The following SDK2 variants were observed in gnomAD, a reference collection of about 807,000 sequenced individuals.
The protein encoded by SDK2 is protein sidekick-2.
In SDK2, 105 loss-of-function variants were observed where a neutral mutation model predicts 253.9. The observed-to-expected ratio is 0.41, with a 90% CI of 0.35 to 0.49. The LOEUF (loss-of-function observed/expected upper bound fraction) is 0.49, where lower values mean the gene tolerates loss of function less well. SDK2 is among the 20% of genes least tolerant of loss of function. The pLI is 0.06. For missense variants in SDK2, 2,608 were observed against 3,003.0 expected (o/e 0.87, Z 3.07); for synonymous variants, 1,249 against 1,234.9 (o/e 1.01, Z -0.24).
At chr17:73,413,753 G>T (rs2063157572) in intron 18 of SDK2, among the ~76,000 whole-genome samples, 1 of 152,194 alleles carries the variant, frequency 6.6e-6, no homozygotes, top group South Asian at 2.1e-4. Flanking sequence ...TTATTCAGCG[G>T]TGCGAGCAGT....
At chr17:73,587,633 C>T (rs1206260745) in intron 1 of SDK2, among the ~76,000 whole-genome samples, 4 of 152,294 alleles carry the variant, frequency 2.6e-5, no homozygotes, top group Middle Eastern at 3.4e-3. Context: ...CATTCAGAGC[C>T]GAGCTCCGCA....
In SDK2 at chr17:73,534,697, G is replaced by A. The variant is rs1252179282; in HGVS notation, c.65-27100C>T. Among the ~76,000 whole-genome samples, 1 of 152,168 alleles carries A rather than the reference G, an allele frequency of 6.6e-6. No individual in the cohort carries two copies. Among genetic ancestry groups the A allele is most frequent in the Non-Finnish European group, 1.5e-5 (1 of 68,040 alleles). The stretch of plus-strand genomic sequence containing the variant: ...CATCCTAGAGGTCTCTGCAGCCTGG[G>A]ATTGAAACCATCCATTTGCCTGACA... On this transcript the variant is annotated intron_variant, in intron 1 of 44. Transcript: ENST00000392650. The surrounding 1 kb of genome is among the most constrained non-coding windows in gnomAD (Gnocchi z 4.9).
At position 73,419,729 on chromosome 17, in the gene SDK2, C is replaced by A. The variant is rs1277830261; in HGVS notation, c.2046-423G>T. On this transcript the variant is annotated intron_variant, in intron 15 of 44. Coordinates refer to ENST00000392650, the MANE Select transcript of SDK2 (RefSeq NM_001144952.2). ...TACCAAAAAAAACAACAAAAAAAAC[C>A]CAAAAAAACTCCCTCCTGGTGACTT... is the stretch of plus-strand genomic sequence containing the variant. Among the ~76,000 whole-genome samples the A allele has an allele frequency of 7.2e-3, 121 of 16,868 alleles. 20 individuals are homozygous for A. The highest frequency in any genetic ancestry group is 0.022 in the Middle Eastern group (1 of 46). The allele number at this position is 16,868 out of a possible 152,430, so 11.1% of individuals were successfully genotyped here.
intron 5 of SDK2, among the ~76,000 whole-genome samples, chr17:73,445,595 C>T (rs985591110): frequency 2.6e-5 from 4 of 151,902 alleles, no homozygotes; most frequent in Admixed American, 6.6e-5. Flanking sequence ...ATGGAGGAAG[C>T]GGTGCGGAGG....
At chr17:73,408,090 C>T (rs8068263) in intron 18 of SDK2, among the ~76,000 whole-genome samples, 135,533 of 142,452 alleles carry the variant, frequency 0.95, 64,611 homozygotes, top group Non-Finnish European at 0.99. Flanking sequence ...CTGGCTCTGT[C>T]GCCTAGACTG....
At chr17:73,567,502 T>C (rs946353496) in intron 1 of SDK2, among the ~76,000 whole-genome samples, 2 of 152,212 alleles carry the variant, frequency 1.3e-5, no homozygotes, top group African/African-American at 4.8e-5. Context: ...GGTGAAGCTG[T>C]GGAAATGGGG....
chr17:73,520,319 C>T (rs1439594347), intron 1 of SDK2: 1 of 152,352 alleles, frequency 6.6e-6, no homozygotes, highest in African/African-American at 2.4e-5. Flanking sequence ...AGAGAACCCA[C>T]GAGGTCTGGT....
chr17:73,432,960 G>C (rs1052500011), intron 10 of SDK2, among the ~76,000 whole-genome samples: 2 of 152,162 alleles, frequency 1.3e-5, no homozygotes, highest in Admixed American at 6.5e-5. Flanking sequence ...TGGCCTTAGG[G>C]AGGTGGCTTG....
intron 9 of SDK2, among the ~76,000 whole-genome samples, chr17:73,434,532 C>A (rs1335884676): frequency 6.6e-6 from 1 of 152,242 alleles, no homozygotes; most frequent in East Asian, 1.9e-4. Context: ...GTGATGAACA[C>A]CGTGGAGCTC....
At chr17:73,577,275 C>CA (rs1421247083) in intron 1 of SDK2, among the ~76,000 whole-genome samples, 2 of 152,098 alleles carry the variant, frequency 1.3e-5, no homozygotes, top group Non-Finnish European at 2.9e-5. Flanking sequence ...GGAATTTATC[C>CA]AAAAAAACTC....
intron 1 of SDK2, among the ~76,000 whole-genome samples, chr17:73,637,342 ATG>A (rs2143292553): frequency 6.6e-6 from 1 of 152,290 alleles, no homozygotes; most frequent in Non-Finnish European, 1.5e-5. Flanking sequence ...ATCCACTCTA[ATG>A]AATGGGCTAC....
intron 1 of SDK2, among the ~76,000 whole-genome samples, chr17:73,532,472 C>A (rs1262107736): frequency 1.3e-5 from 2 of 152,152 alleles, no homozygotes; most frequent in Non-Finnish European, 2.9e-5. Flanking sequence ...CCTCCCAGGC[C>A]CCAGAGTCAG....
At chr17:73,340,658 C>T (rs2062426585) in intron 44 of SDK2, among the ~76,000 whole-genome samples, 1 of 146,508 alleles carries the variant, frequency 6.8e-6, no homozygotes. Context: ...AACATAAAAA[C>T]AACACTTGGT....
chr17:73,372,131 C>T (rs2062738934), intron 36 of SDK2, among the ~76,000 whole-genome samples: 1 of 152,170 alleles, frequency 6.6e-6, no homozygotes, highest in East Asian at 1.9e-4. Flanking sequence ...AACCCAGGGA[C>T]AGCTGTCTTC....
chr17:73,469,562 C>T (rs551293434), intron 3 of SDK2, among the ~76,000 whole-genome samples: 10 of 152,186 alleles, frequency 6.6e-5, no homozygotes, highest in African/African-American at 2.2e-4. Flanking sequence ...CTTGCTTGCT[C>T]GCCCTGCAGA....
chr17:73,341,183 G>T (rs1328431426), intron 44 of SDK2, among the ~76,000 whole-genome samples: 1 of 150,296 alleles, frequency 6.7e-6, no homozygotes, highest in East Asian at 1.9e-4. Context: ...CACCCAGCCT[G>T]AAGTTCTTTT....
intron 8 of SDK2, among the ~76,000 whole-genome samples, chr17:73,437,088 A>T (rs950976764): frequency 3.9e-5 from 6 of 152,174 alleles, no homozygotes; most frequent in Non-Finnish European, 8.8e-5. Flanking sequence ...GTGGAGTCTC[A>T]GAAGGGAAGT....
In SDK2 at chr17:73,481,671, G is replaced by A. The variant is rs1412297004; in HGVS notation, c.225-9453C>T. ...GAGGGCTCGGATGGCACAAAAAGGC[G>A]GAGGGAGGAGGAATGTGCTGTCTTG... On this transcript the variant is annotated intron_variant, in intron 2 of 44. Coordinates refer to ENST00000392650, the MANE Select transcript of SDK2 (RefSeq NM_001144952.2). This position sits in a 1 kb window ranked among gnomAD's most constrained non-coding sequence, Gnocchi z 4.5. Among the ~76,000 whole-genome samples, 1 of 152,156 alleles carries A rather than the reference G, an allele frequency of 6.6e-6. No individual in the cohort carries two copies. Among genetic ancestry groups the A allele is most frequent in the Non-Finnish European group, 1.5e-5 (1 of 68,026 alleles).
chr17:73,352,468 G>A lies in SDK2; in HGVS notation c.5758+5C>T, dbSNP rs909111033. On this transcript the variant is annotated splice_donor_5th_base_variant and intron_variant, in intron 41 of 44. Coordinates refer to ENST00000392650, the MANE Select transcript of SDK2 (RefSeq NM_001144952.2). This position sits in a 1 kb window ranked among gnomAD's most constrained non-coding sequence, Gnocchi z 4.1. Reference sequence around the variant, plus strand: ...CCCCCACTCCCTCAGCCCCCAGGCCGGTACCTGGCACAGACTGGGAGGGGC... The same window carrying A: ...CCCCCACTCCCTCAGCCCCCAGGCCAGTACCTGGCACAGACTGGGAGGGGC... 13 of 1,610,200 alleles carry A rather than the reference G, an allele frequency of 8.1e-6. No individual in the cohort carries two copies. In the African/African-American group the frequency reaches 1.1e-4, roughly 13 times the overall value.
Sources: allele counts gnomAD v4.1 joint callset (sites outside exome capture counted in the v4.1 genomes callset), GRCh38; gene constraint gnomAD v4.1.1; non-coding constraint Gnocchi (gnomAD v3.1); transcripts MANE v1.5; gene names NCBI Gene and HGNC (gene_info 2026-07-23, HGNC 2026-07-21).